The following ATP2B2 variants were observed in gnomAD, a reference collection of about 807,000 sequenced individuals.
ATP2B2 encodes the protein ATPase plasma membrane Ca2+ transporting 2.
A neutral mutation model predicts 120.0 loss-of-function variants in ATP2B2; 15 were observed. The observed-to-expected ratio is 0.12, with a 90% CI of 0.08 to 0.19. The LOEUF is 0.19. Among genes scored for constraint, ATP2B2 ranks in the 10% least tolerant of loss-of-function variants. The pLI is 1.00. For missense variants in ATP2B2, 1,045 were observed against 1,719.8 expected (o/e 0.61, Z 6.94); for synonymous variants, 694 against 700.3 (o/e 0.99, Z 0.14).
At chr3:10,364,915 T>A (rs2060999409) in intron 12 of ATP2B2, among the ~76,000 whole-genome samples, 1 of 152,192 alleles carries the variant, frequency 6.6e-6, no homozygotes, top group Non-Finnish European at 1.5e-5. Context: ...CCCTGATGCC[T>A]GGAGGCCCAA....
intron 2 of ATP2B2, among the ~76,000 whole-genome samples, chr3:10,577,591 T>G (rs942150258): frequency 6.6e-6 from 1 of 152,184 alleles, no homozygotes; most frequent in Non-Finnish European, 1.5e-5. Flanking sequence ...GTTGTTTTCC[T>G]GAGAGGAACA....
At chr3:10,389,983 G>A (rs564606912) in intron 5 of ATP2B2, among the ~76,000 whole-genome samples, 1 of 152,232 alleles carries the variant, frequency 6.6e-6, no homozygotes, top group East Asian at 1.9e-4. Context: ...ATGCTGGAAG[G>A]TTGGCTCTCC....
intron 1 of ATP2B2, among the ~76,000 whole-genome samples, chr3:10,704,499 G>A (rs902197464): frequency 2.6e-5 from 4 of 151,974 alleles, no homozygotes; most frequent in East Asian, 1.9e-4. Flanking sequence ...ATTGCAATAC[G>A]GTGACTGCAG....
At chr3:10,496,398 A>T (rs1446238004) in intron 1 of ATP2B2, among the ~76,000 whole-genome samples, 1 of 152,190 alleles carries the variant, frequency 6.6e-6, no homozygotes, top group Non-Finnish European at 1.5e-5. Flanking sequence ...TGCACACAGC[A>T]TCCCACTCAG....
intron 2 of ATP2B2, among the ~76,000 whole-genome samples, chr3:10,606,984 AAGAG>A (rs61094841): frequency 9.1e-5 from 13 of 142,176 alleles, no homozygotes; most frequent in Admixed American, 4.2e-4. Context: ...GAGAGAAAGA[AAGAG>A]AGAGAGAGAG....
At chr3:10,619,331 C>T (rs1348233071) in intron 2 of ATP2B2, among the ~76,000 whole-genome samples, 1 of 152,322 alleles carries the variant, frequency 6.6e-6, no homozygotes, top group South Asian at 2.1e-4. Context: ...GGCCACTGAG[C>T]TCCAAGGACC....
chr3:10,535,689 G>A lies in ATP2B2; in HGVS notation c.-414-1556C>T, dbSNP rs62238451. Among the ~76,000 whole-genome samples the A allele has an allele frequency of 7.8e-3, 1,184 of 152,160 alleles. 13 individuals carry two copies. Among genetic ancestry groups the A allele is most frequent in the Non-Finnish European group, 0.013 (867 of 68,006 alleles). On this transcript the variant is annotated intron_variant, in intron 2 of 21. Transcript: ENST00000646379. ...CCTGGAGATTCCTCTAGGTGGTTGT[G>A]TGTAACAAGAGTTCGCTCCTTTTTA...
chr3:10,566,727 G>A (rs1184041137), intron 2 of ATP2B2, among the ~76,000 whole-genome samples: 1 of 152,170 alleles, frequency 6.6e-6, no homozygotes, highest in African/African-American at 2.4e-5. Context: ...ACACAGACAG[G>A]GTGGCTGTAA....
chr3:10,539,278 G>C (rs1376892068), intron 2 of ATP2B2, among the ~76,000 whole-genome samples: 1 of 152,150 alleles, frequency 6.6e-6, no homozygotes, highest in East Asian at 1.9e-4. Context: ...AATCAATGTC[G>C]TGAAAATGGC....
chr3:10,521,158 C>G (rs1488791839), intron 3 of ATP2B2, among the ~76,000 whole-genome samples: 1 of 152,224 alleles, frequency 6.6e-6, no homozygotes, highest in African/African-American at 2.4e-5. Context: ...GTAGATTGTC[C>G]CTCTGTGGCA....
At chr3:10,448,570 G>A (rs2063920151) in intron 2 of ATP2B2, among the ~76,000 whole-genome samples, 2 of 152,180 alleles carry the variant, frequency 1.3e-5, no homozygotes, top group Non-Finnish European at 2.9e-5. Context: ...GCCCCCAGGA[G>A]CTGAAACACA....
chr3:10,515,456 C>T (rs373822096), intron 3 of ATP2B2, among the ~76,000 whole-genome samples: 2 of 152,220 alleles, frequency 1.3e-5, no homozygotes, highest in African/African-American at 4.8e-5. Flanking sequence ...GCTCTGCTCT[C>T]TCCCCATGGG....
chr3:10,568,215 G>A (rs911144964), intron 2 of ATP2B2, among the ~76,000 whole-genome samples: 3 of 152,182 alleles, frequency 2.0e-5, no homozygotes, highest in African/African-American at 7.2e-5. Flanking sequence ...TACCTCTGCC[G>A]GCCACAAAGG....
Position 10,350,518 on chromosome 3 carries a change from G to T in ATP2B2, c.2196C>A (p.Gly732=). The T allele has an allele frequency of 6.2e-7, 1 of 1,614,110 alleles. No individual in the cohort carries two copies. The highest frequency in any genetic ancestry group is 8.5e-7 in the Non-Finnish European group (1 of 1,180,034). The change falls in exon 15 of 23, where the codon GGC becomes GGA. Residue 732 remains glycine, a synonymous_variant. Transcript: ENST00000360273. ...TGGCCCGAGCCGTGTTGATATTGTC[G>T]CCAGTGACCATGCGGACCGTGATGC... ...RAGITVRMVT[G]DNINTARAIA...
intron 5 of ATP2B2, among the ~76,000 whole-genome samples, chr3:10,399,460 A>G (rs1293720109): frequency 1.3e-5 from 2 of 152,192 alleles, no homozygotes; most frequent in African/African-American, 2.4e-5. Flanking sequence ...GCAGGTCTCT[A>G]TACCTCACTA....
intron 2 of ATP2B2, among the ~76,000 whole-genome samples, chr3:10,606,795 C>T (rs1473964607): frequency 6.6e-6 from 1 of 151,870 alleles, no homozygotes. Context: ...CCATTCCTCC[C>T]TAAGTCTCCC....
At chr3:10,574,448 G>A (rs148270575) in intron 2 of ATP2B2, among the ~76,000 whole-genome samples, 4 of 152,304 alleles carry the variant, frequency 2.6e-5, no homozygotes, top group Non-Finnish European at 5.9e-5. Flanking sequence ...CCATCTGTCT[G>A]CCTGGCGTTC....
At chr3:10,452,802 AC>A (rs2064109967) in intron 1 of ATP2B2, among the ~76,000 whole-genome samples, 1 of 152,160 alleles carries the variant, frequency 6.6e-6, no homozygotes, top group African/African-American at 2.4e-5. Context: ...GGAGATGCAG[AC>A]CTTCTGTCCA....
intron 1 of ATP2B2, among the ~76,000 whole-genome samples, chr3:10,633,437 A>G (rs2069928305): frequency 6.6e-6 from 1 of 152,172 alleles, no homozygotes; most frequent in Non-Finnish European, 1.5e-5. Flanking sequence ...AGAACTGTTA[A>G]TAATGTTTCA....
Sources: gnomAD v4.1 joint callset for allele counts (sites outside exome capture counted in the v4.1 genomes callset) on GRCh38, gnomAD v4.1.1 for gene constraint, MANE v1.5 for transcripts, NCBI Gene and HGNC (gene_info 2026-07-23, HGNC 2026-07-21) for gene names.